TG: variants seen among roughly 807,000 people sequenced by gnomAD.
The protein encoded by TG is thyroglobulin, also known as thyroid hormones.
A neutral mutation model predicts 324.7 loss-of-function variants in TG; 270 were observed. The observed-to-expected ratio is 0.83, with a 90% confidence interval of 0.75 to 0.92. TG has a LOEUF of 0.92. TG is among the 40% of genes least tolerant of loss of function. TG has a pLI of 0.00. For missense variants in TG, 3,591 were observed against 3,456.4 expected, an observed-to-expected ratio of 1.04 and a Z score of -0.98; for synonymous variants, 1,401 against 1,327.0, an observed-to-expected ratio of 1.06 and a Z score of -1.21.
rs570461373 is a variant in TG at position 132,996,411 on chromosome 8, T to A, written c.6262+12999T>A. ...TAGCATTCTATTGCTCCTTTATTAATTAACTTCATTCAATACCTATTTATG... is the reference window on the plus strand; with the variant it reads ...TAGCATTCTATTGCTCCTTTATTAAATAACTTCATTCAATACCTATTTATG... On this transcript the variant is annotated intron_variant, in intron 35 of 47. Coordinates refer to ENST00000220616, the MANE Select transcript of TG (RefSeq NM_003235.5). Among the ~76,000 whole-genome samples, 18 of 152,352 alleles carry A rather than the reference T, an allele frequency of 1.2e-4. 1 individual carries two copies. In the South Asian group the frequency reaches 3.3e-3, roughly 28 times the overall value.
At chr8:133,131,782 T>C in intron 45 of TG, 30 bp from the exon 46 acceptor site, 2 of 1,613,858 alleles carry the variant, frequency 1.2e-6, no homozygotes, top group Non-Finnish European at 1.7e-6. Context: ...CTCTTGACCT[T>C]TTGCTGCTGC....
intron 8 of TG, chr8:132,883,266 C>T (rs1377266169): frequency 2.1e-6 from 1 of 479,224 alleles, no homozygotes; most frequent in Non-Finnish European, 3.8e-6. Context: ...AATTGAGTTC[C>T]CATGTGCGGT....
chr8:132,996,297 A>G (rs371901929), intron 35 of TG, among the ~76,000 whole-genome samples: 1 of 152,210 alleles, frequency 6.6e-6, no homozygotes, highest in African/African-American at 2.4e-5. Context: ...CTATGTGACT[A>G]ATCTATTAAC....
At chr8:133,125,705 C>G (rs193087996) in intron 45 of TG, among the ~76,000 whole-genome samples, 37 of 152,278 alleles carry the variant, frequency 2.4e-4, no homozygotes, top group Admixed American at 1.6e-3. Flanking sequence ...TTCATAGTTT[C>G]CATGGAAATT....
intron 23 of TG, among the ~76,000 whole-genome samples, chr8:132,931,364 T>C (rs1417032607): frequency 3.3e-5 from 5 of 152,204 alleles, no homozygotes; most frequent in Admixed American, 3.3e-4. Flanking sequence ...GTTTAAAACA[T>C]AATTCAGCCC....
At chr8:133,091,578 G>A (rs1353144161) in intron 41 of TG, among the ~76,000 whole-genome samples, 1 of 152,120 alleles carries the variant, frequency 6.6e-6, no homozygotes, top group African/African-American at 2.4e-5. Context: ...GTGTGTGTTT[G>A]TGTGTATGTG....
chr8:132,927,558 C>T (rs1380247821), intron 22 of TG, among the ~76,000 whole-genome samples: 2 of 152,294 alleles, frequency 1.3e-5, no homozygotes, highest in Non-Finnish European at 2.9e-5. Flanking sequence ...AAACTGACTC[C>T]ATTGTCATAA....
At chr8:133,128,026 T>TATTTC (rs1313789548) in intron 45 of TG, among the ~76,000 whole-genome samples, 2 of 152,142 alleles carry the variant, frequency 1.3e-5, no homozygotes, top group Non-Finnish European at 2.9e-5. Flanking sequence ...GAATAAATGG[T>TATTTC]ATTTCATTTC....
chr8:132,874,904 G>A (rs746746001), intron 5 of TG, among the ~76,000 whole-genome samples: 32 of 152,098 alleles, frequency 2.1e-4, no homozygotes, highest in South Asian at 6.2e-4. Flanking sequence ...TCTGTGCTCC[G>A]GGTCCCTCTG....
chr8:132,915,586 G>A (rs1366103809), intron 20 of TG, among the ~76,000 whole-genome samples: 8 of 152,154 alleles, frequency 5.3e-5, no homozygotes, highest in Non-Finnish European at 7.4e-5. Flanking sequence ...GGACACACCT[G>A]GGCTGGAACA....
chr8:133,005,535 C>T (rs1384688199), intron 35 of TG, among the ~76,000 whole-genome samples: 4 of 152,168 alleles, frequency 2.6e-5, no homozygotes, highest in Non-Finnish European at 5.9e-5. Flanking sequence ...CAGCAGCTCA[C>T]ATCTAGTAAC....
intron 41 of TG, chr8:133,050,125 C>G (rs962766100): frequency 1.4e-6 from 1 of 695,716 alleles, no homozygotes; most frequent in Non-Finnish European, 2.6e-6. Flanking sequence ...GCCACGTTAA[C>G]CCATATTTCG....
At chr8:132,972,041 A>G (rs1829599556) in intron 33 of TG, among the ~76,000 whole-genome samples, 168 bp downstream of exon 33, 3 of 152,206 alleles carry the variant, frequency 2.0e-5, no homozygotes, top group African/African-American at 7.2e-5. Context: ...TAGCTGAGAC[A>G]TGGCTCCTAG....
chr8:132,871,515 G>A lies in TG; in HGVS notation c.442G>A (p.Val148Met), dbSNP rs1365215825. Reference protein sequence around the residue: ...CWCVDAEGMEVYGTRQLGRPK... With the variant: ...CWCVDAEGMEMYGTRQLGRPK... The stretch of plus-strand genomic sequence containing the variant: ...GTGTGTGGACGCAGAGGGGATGGAG[G>A]TGTATGGGACCCGCCAGCTGGGGAG... The change falls in exon 4 of 48, where the codon GTG becomes ATG. Residue 148 changes from valine (V) to methionine (M), a missense_variant. Physicochemically the swap from Val to Met is conservative, Grantham distance 21. Transcript: ENST00000220616. 1.2e-6 allele frequency: 2 copies of A among 1,614,050 alleles called. No individual in the cohort carries two copies. Among genetic ancestry groups the A allele is most frequent in the East Asian group, 2.2e-5 (1 of 44,888 alleles).
chr8:133,040,065 C>A, intron 41 of TG: 1 of 1,555,750 alleles, frequency 6.4e-7, no homozygotes, highest in Middle Eastern at 1.7e-4. Flanking sequence ...GCCCTCACTG[C>A]TGGGGCAGCC....
intron 27 of TG, among the ~76,000 whole-genome samples, chr8:132,950,836 C>T (rs1826006041): frequency 6.6e-6 from 1 of 152,126 alleles, no homozygotes; most frequent in Non-Finnish European, 1.5e-5. Context: ...ATAGAAATGA[C>T]TTATGTAGCA....
chr8:132,966,539 G>A, intron 29 of TG, 21 bp from the exon 30 acceptor site: 1 of 1,613,650 alleles, frequency 6.2e-7, no homozygotes, highest in East Asian at 2.2e-5. Context: ...GCAGGAAGTT[G>A]ACTCCCTGCT....
intron 17 of TG, among the ~76,000 whole-genome samples, chr8:132,907,127 A>G (rs935527298): frequency 3.3e-5 from 5 of 152,194 alleles, no homozygotes; most frequent in Non-Finnish European, 7.3e-5. Flanking sequence ...CCTTCTCTGG[A>G]ACCATCTGCT....
At chr8:132,946,812 C>T (rs1219177883) in intron 26 of TG, among the ~76,000 whole-genome samples, 1 of 152,134 alleles carries the variant, frequency 6.6e-6, no homozygotes, top group Non-Finnish European at 1.5e-5. Flanking sequence ...GTATGACCAG[C>T]AAAGTGACTT....
Sources: allele counts gnomAD v4.1 joint callset (sites outside exome capture counted in the v4.1 genomes callset), GRCh38; gene constraint gnomAD v4.1.1; transcripts MANE v1.5; gene names NCBI Gene and HGNC (gene_info 2026-07-23, HGNC 2026-07-21).